Variants in REPS1 observed in about 807,000 individuals in gnomAD.
REPS1 encodes RALBP1 associated Eps domain containing 1.
In REPS1, 39 loss-of-function variants were observed where a neutral mutation model predicts 100.9. That is an observed-to-expected ratio of 0.39 (90% CI 0.30 to 0.50). REPS1 has a LOEUF of 0.50. Ranked by LOEUF, REPS1 falls within the 20% of genes least tolerant of loss-of-function variation. REPS1 has a pLI of 0.86. For missense variants in REPS1, 821 were observed against 968.5 expected, an observed-to-expected ratio of 0.85 and a Z score of 2.02; for synonymous variants, 324 against 340.3, an observed-to-expected ratio of 0.95 and a Z score of 0.53.
At chr6:138,984,139 G>A (rs1355620773) in intron 1 of REPS1, among the ~76,000 whole-genome samples, 2 of 150,228 alleles carry the variant, frequency 1.3e-5, no homozygotes, top group Non-Finnish European at 3.0e-5. Context: ...GAGTGCAGTG[G>A]CGCGATCTTG....
chr6:138,906,856 T>C (rs1172200656), intron 19 of REPS1, among the ~76,000 whole-genome samples: 1 of 152,182 alleles, frequency 6.6e-6, no homozygotes, highest in Non-Finnish European at 1.5e-5. Context: ...TGAGAACCAC[T>C]GGTTTGTAAG....
Position 138,904,499 on chromosome 6 carries a change from T to G in REPS1, c.*565A>C, listed in dbSNP as rs1779513890. ...AGGAAAATATAAAATCTCACATGTTTGTATTTGTCACAAGTTGACATGTAA... is the reference window on the plus strand; with the variant it reads ...AGGAAAATATAAAATCTCACATGTTGGTATTTGTCACAAGTTGACATGTAA... On this transcript the variant is annotated 3_prime_UTR_variant, in exon 20 of 20. Coordinates refer to ENST00000450536, the MANE Select transcript of REPS1 (RefSeq NM_001286611.2). 6.6e-6 allele frequency: 1 copy of G among 152,236 alleles called. No homozygotes were observed. Among genetic ancestry groups the G allele is most frequent in the African/African-American group, 2.4e-5 (1 of 41,466 alleles). The allele number at this position is 152,236 out of a possible 1,614,324, so 9.4% of individuals were successfully genotyped here. A position where few individuals can be genotyped will look rare whatever the true frequency, so the allele number is the denominator to read the frequency against.
At chr6:138,961,427 C>G (rs541175617) in intron 1 of REPS1, among the ~76,000 whole-genome samples, 104 of 152,048 alleles carry the variant, frequency 6.8e-4, no homozygotes, top group African/African-American at 2.3e-3. Context: ...TTAGTAGAGA[C>G]GGGGATCCAG....
In REPS1 at chr6:138,978,820, A is replaced by G. The variant is rs147248138; in HGVS notation, c.153+8710T>C. ...CAGAACATCCTCCCACTAAATCTAT[A>G]TTCCACCCACTAAATCTATATTCCT... On this transcript the variant is annotated intron_variant, in intron 1 of 19. Coordinates refer to ENST00000450536, the MANE Select transcript of REPS1 (RefSeq NM_001286611.2). 2.9e-3 allele frequency among the ~76,000 whole-genome samples: 442 copies of G among 152,266 alleles called. 1 individual carries two copies. Among genetic ancestry groups the G allele is most frequent in the African/African-American group, 0.01 (424 of 41,544 alleles).
rs375842098 is a variant in REPS1 at position 138,944,655 on chromosome 6, T to C, written c.629-33A>G. 2.6e-4 allele frequency: 408 copies of C among 1,582,158 alleles called. 1 individual carries two copies. Among genetic ancestry groups the C allele is most frequent in the Non-Finnish European group, 2.9e-4 (338 of 1,165,904 alleles). On this transcript the variant is annotated intron_variant, in intron 4 of 19. Transcript: ENST00000450536. ...GAGAATGGGTAAACATGCTGACTCATGTTTGAGGAAAAAAGTTACTAGGAA... is the reference window on the plus strand; with the variant it reads ...GAGAATGGGTAAACATGCTGACTCACGTTTGAGGAAAAAAGTTACTAGGAA...
At chr6:138,984,537 G>C (rs540779673) in intron 1 of REPS1, among the ~76,000 whole-genome samples, 16 of 152,190 alleles carry the variant, frequency 1.1e-4, no homozygotes, top group African/African-American at 3.9e-4. Context: ...CCCACTAGAT[G>C]CCAGTAGAAC....
intron 17 of REPS1, chr6:138,909,038 T>C: frequency 2.0e-6 from 1 of 495,614 alleles, no homozygotes; most frequent in Non-Finnish European, 3.6e-6. Flanking sequence ...GCAATATAAG[T>C]ATTTTTAGAG....
At chr6:138,984,131 G>A (rs191407135) in intron 1 of REPS1, among the ~76,000 whole-genome samples, 2 of 148,094 alleles carry the variant, frequency 1.4e-5, no homozygotes, top group East Asian at 2.0e-4. Context: ...CTAGGCTGGA[G>A]TGCAGTGGCG....
rs866548843 is a variant in REPS1, at chr6:138,916,708, T to C, written c.1602-732A>G. Among the ~76,000 whole-genome samples the C allele has an allele frequency of 2.6e-5, 4 of 152,208 alleles. No individual in the cohort carries two copies. In the South Asian group the frequency reaches 8.3e-4, roughly 32 times the overall value. ...TTTGGTAAGCTGAAGTACCCTTTCA[T>C]GTGTCCGCAGAGGCCATCTCATTTT... On this transcript the variant is annotated intron_variant, in intron 13 of 19. Coordinates refer to ENST00000450536, the MANE Select transcript of REPS1 (RefSeq NM_001286611.2).
chr6:138,936,631 G>A (rs1781864449), intron 8 of REPS1, among the ~76,000 whole-genome samples: 1 of 117,518 alleles, frequency 8.5e-6, no homozygotes, highest in African/African-American at 3.1e-5. Flanking sequence ...TTGGGGGGGG[G>A]TAGAGGTGGG....
At chr6:138,947,041 T>TCG (rs1562544205) in intron 2 of REPS1, among the ~76,000 whole-genome samples, 3 of 26,432 alleles carry the variant, frequency 1.1e-4, no homozygotes, top group African/African-American at 3.1e-4. Flanking sequence ...CCTTGCTCTC[T>TCG]CTCTCTCTCT....
intron 8 of REPS1, among the ~76,000 whole-genome samples, chr6:138,937,682 G>T (rs991800603): frequency 1.3e-5 from 2 of 152,212 alleles, no homozygotes; most frequent in Admixed American, 1.3e-4. Flanking sequence ...CAGCATCTCA[G>T]AGACTGCTGA....
chr6:138,945,162 A>G, intron 4 of REPS1, 57 bp downstream of exon 4: 1 of 1,431,644 alleles, frequency 7.0e-7, no homozygotes, highest in Non-Finnish European at 9.4e-7. Flanking sequence ...TGAACCCAGG[A>G]GTGCAAGACC....
At chr6:138,918,093 T>TTGTGTG (rs372510753) in intron 12 of REPS1, among the ~76,000 whole-genome samples, 152 of 150,242 alleles carry the variant, frequency 1.0e-3, no homozygotes, top group African/African-American at 3.5e-3. Context: ...GTGTGTATGT[T>TTGTGTG]TGTGTGTGTG....
intron 11 of REPS1, 96 bp from the exon 12 acceptor site, chr6:138,920,412 A>C (rs1485534274): frequency 9.4e-6 from 5 of 531,310 alleles, no homozygotes; most frequent in Admixed American, 6.0e-5. Context: ...AAATATCCAA[A>C]GAAGTGGCAG....
intron 8 of REPS1, among the ~76,000 whole-genome samples, chr6:138,932,465 C>A (rs1241188180): frequency 6.6e-6 from 1 of 150,986 alleles, no homozygotes; most frequent in Non-Finnish European, 1.5e-5. Context: ...CCTTACCCCC[C>A]CCCACATACA....
Position 138,904,026 on chromosome 6 carries a change from T to C in REPS1, c.*1038A>G, listed in dbSNP as rs987053835. On this transcript the variant is annotated 3_prime_UTR_variant, in exon 20 of 20. Transcript: ENST00000450536. ...AAGATGAACAAAAGTTAAAATATTA[T>C]GCTGTTTTATTGGTGTAAAACCACA... The C allele has an allele frequency of 3.3e-5, 5 of 152,238 alleles. No homozygotes were observed. The highest frequency in any genetic ancestry group is 9.6e-5 in the African/African-American group (4 of 41,472). 9.4% of individuals were successfully genotyped at this position (152,238 alleles called of 1,614,324 possible).
intron 17 of REPS1, among the ~76,000 whole-genome samples, chr6:138,910,157 A>G (rs566425845): frequency 4.6e-5 from 7 of 152,204 alleles, no homozygotes; most frequent in African/African-American, 1.7e-4. Context: ...ACAGTAATGA[A>G]TGAGTTCTTA....
chr6:138,984,820 C>T (rs1785163719), intron 1 of REPS1, among the ~76,000 whole-genome samples: 1 of 152,158 alleles, frequency 6.6e-6, no homozygotes, highest in African/African-American at 2.4e-5. Flanking sequence ...CAAAGCTCTC[C>T]ATCCAACCTT....
Sources: allele counts gnomAD v4.1 joint callset (sites outside exome capture counted in the v4.1 genomes callset), GRCh38; gene constraint gnomAD v4.1.1; transcripts MANE v1.5; gene names NCBI Gene and HGNC (gene_info 2026-07-23, HGNC 2026-07-21).